The following TRPM3 variants were observed in gnomAD, a reference collection of about 807,000 sequenced individuals.
TRPM3 encodes the protein long transient receptor potential channel 3.
TRPM3 carries 77 observed loss-of-function variants against 181.2 expected under a neutral mutation model. That is an observed-to-expected ratio of 0.42 (90% CI 0.35 to 0.51). The LOEUF is 0.51. TRPM3 is among the 20% of genes least tolerant of loss of function. The pLI is 0.01. For synonymous variants in TRPM3, 745 were observed against 796.4 expected (o/e 0.94, Z 1.09); for missense variants, 1,759 against 2,196.7 (o/e 0.80, Z 3.98).
intron 1 of TRPM3, among the ~76,000 whole-genome samples, chr9:71,414,975 T>C (rs1348626573): frequency 6.6e-6 from 1 of 152,060 alleles, no homozygotes; most frequent in East Asian, 1.9e-4. Context: ...ATTATCTTAC[T>C]TGAAAAAATA....
intron 3 of TRPM3, among the ~76,000 whole-genome samples, chr9:70,850,099 A>G (rs2095164442): frequency 6.6e-6 from 1 of 152,214 alleles, no homozygotes; most frequent in South Asian, 2.1e-4. Context: ...TTATCTAGCA[A>G]AAAATGATTC....
At chr9:70,563,238 C>T (rs533363828) in intron 22 of TRPM3, among the ~76,000 whole-genome samples, 23 of 152,270 alleles carry the variant, frequency 1.5e-4, no homozygotes, top group South Asian at 8.3e-4. Context: ...GGTGATAGCC[C>T]GCTGACCTCC....
intron 1 of TRPM3, among the ~76,000 whole-genome samples, chr9:71,173,323 T>C (rs1259403084): frequency 6.6e-6 from 1 of 152,180 alleles, no homozygotes; most frequent in Non-Finnish European, 1.5e-5. Flanking sequence ...CTACCATGTA[T>C]GCAGTATTTA....
intron 1 of TRPM3, among the ~76,000 whole-genome samples, chr9:71,151,103 T>TGC (rs1367452257): frequency 1.3e-5 from 2 of 152,194 alleles, no homozygotes; most frequent in African/African-American, 4.8e-5. Context: ...AGTGTGTGTG[T>TGC]GCGCGTGCAT....
chr9:71,119,583 T>C (rs947303940), intron 1 of TRPM3, among the ~76,000 whole-genome samples: 6 of 152,136 alleles, frequency 3.9e-5, no homozygotes, highest in African/African-American at 1.4e-4. Flanking sequence ...TGGAGAGTGA[T>C]AGTCACCTAT....
At chr9:71,251,275 T>G (rs2082326292) in intron 1 of TRPM3, among the ~76,000 whole-genome samples, 1 of 152,188 alleles carries the variant, frequency 6.6e-6, no homozygotes, top group African/African-American at 2.4e-5. Context: ...ATGCTCACAC[T>G]GCCTTATTCA....
At chr9:71,360,972 T>C (rs963342839) in intron 1 of TRPM3, among the ~76,000 whole-genome samples, 5 of 152,164 alleles carry the variant, frequency 3.3e-5, no homozygotes, top group African/African-American at 1.2e-4. Flanking sequence ...ATATTAAAAA[T>C]TTTTGTAACA....
chr9:70,576,968 C>T (rs1415098371), intron 22 of TRPM3, among the ~76,000 whole-genome samples: 3 of 152,130 alleles, frequency 2.0e-5, no homozygotes, highest in African/African-American at 7.2e-5. Context: ...TTCCATTATT[C>T]ACATTTCAGC....
chr9:70,790,328 G>A (rs11142594), intron 6 of TRPM3, among the ~76,000 whole-genome samples: 25,501 of 151,994 alleles, frequency 0.17, 2,358 homozygotes, highest in South Asian at 0.28. Flanking sequence ...CTTAAAAAGG[G>A]GATTTGCACT....
intron 8 of TRPM3, among the ~76,000 whole-genome samples, chr9:70,741,810 T>C (rs1290188581): frequency 6.6e-6 from 1 of 152,100 alleles, no homozygotes. Context: ...CAACGGACTT[T>C]GGGTACTTGG....
chr9:70,915,895 A>G (rs1186591665), intron 1 of TRPM3, among the ~76,000 whole-genome samples: 1 of 152,216 alleles, frequency 6.6e-6, no homozygotes, highest in African/African-American at 2.4e-5. Context: ...AGAAGGTTAC[A>G]GAACACCAAG....
intron 1 of TRPM3, among the ~76,000 whole-genome samples, chr9:70,923,987 CTATT>C (rs890060550): frequency 2.0e-5 from 3 of 151,288 alleles, no homozygotes; most frequent in African/African-American, 2.4e-5. Flanking sequence ...ATCTATCTAT[CTATT>C]TATCTATCTA....
chr9:70,916,590 G>A (rs546693025), intron 1 of TRPM3, among the ~76,000 whole-genome samples: 1 of 152,134 alleles, frequency 6.6e-6, no homozygotes, highest in Non-Finnish European at 1.5e-5. Context: ...GGGTGGATAA[G>A]CTCAGAAACC....
chr9:71,060,172 T>C (rs1391308153), intron 1 of TRPM3, among the ~76,000 whole-genome samples: 2 of 152,098 alleles, frequency 1.3e-5, no homozygotes, highest in East Asian at 1.9e-4. Flanking sequence ...CACAGCTGAA[T>C]AGGATTCCTT....
chr9:71,396,262 C>A (rs2093188863), intron 1 of TRPM3, among the ~76,000 whole-genome samples: 1 of 145,372 alleles, frequency 6.9e-6, no homozygotes, highest in African/African-American at 2.6e-5. Context: ...AGTTAATGAC[C>A]TAAGAACAAA....
intron 1 of TRPM3, among the ~76,000 whole-genome samples, chr9:71,068,163 A>G (rs1478879460): frequency 6.6e-6 from 1 of 152,228 alleles, no homozygotes; most frequent in Non-Finnish European, 1.5e-5. Flanking sequence ...AGATAAGTTC[A>G]GGAAGCAACT....
chr9:71,009,187 T>C (rs1311676536), intron 1 of TRPM3, among the ~76,000 whole-genome samples: 1 of 152,188 alleles, frequency 6.6e-6, no homozygotes, highest in Non-Finnish European at 1.5e-5. Flanking sequence ...CATCACTTTT[T>C]ATTCAACAGA....
chr9:70,764,675 G>A (rs1379361934), intron 7 of TRPM3, among the ~76,000 whole-genome samples: 1 of 152,184 alleles, frequency 6.6e-6, no homozygotes, highest in Non-Finnish European at 1.5e-5. Context: ...GAAGTGGAAG[G>A]ATTCTCTAAG....
chr9:71,272,479 A>C (rs910429986), intron 1 of TRPM3, among the ~76,000 whole-genome samples: 120 of 152,262 alleles, frequency 7.9e-4, no homozygotes, highest in African/African-American at 2.2e-3. Flanking sequence ...CTCATTTATA[A>C]ATTTATTCAC....
Sources: gnomAD v4.1 joint callset for allele counts (sites outside exome capture counted in the v4.1 genomes callset) on GRCh38, gnomAD v4.1.1 for gene constraint, MANE v1.5 for transcripts, NCBI Gene and HGNC (gene_info 2026-07-23, HGNC 2026-07-21) for gene names.